Variants in FNBP1 observed in about 807,000 individuals in gnomAD.
FNBP1 encodes the protein formin binding protein 1.
FNBP1 carries 26 observed loss-of-function variants against 90.6 expected under a neutral mutation model. That is an observed-to-expected ratio of 0.29 (90% CI 0.21 to 0.40). The LOEUF (loss-of-function observed/expected upper bound fraction) is 0.40, where lower values mean the gene tolerates loss of function less well. FNBP1 is among the 10% of genes least tolerant of loss of function. FNBP1 has a pLI of 1.00. For missense variants in FNBP1, 635 were observed against 768.0 expected (o/e 0.83, Z 2.05); for synonymous variants, 260 against 265.2 (o/e 0.98, Z 0.19).
chr9:129,899,747 A>AGGAAGGGAAGGAAGGGAAGGAAG (rs2036509667), intron 15 of FNBP1, among the ~76,000 whole-genome samples: 1 of 137,026 alleles, frequency 7.3e-6, no homozygotes, highest in East Asian at 2.6e-4. Context: ...GAAGGAAGGA[A>AGGAAGGGAAGGAAGGGAAGGAAG]GGAAGGGAAG....
chr9:130,024,251 C>A (rs2058127504), intron 1 of FNBP1, among the ~76,000 whole-genome samples: 3 of 151,580 alleles, frequency 2.0e-5, no homozygotes, highest in Admixed American at 2.0e-4. Context: ...CTCTACCCCC[C>A]CCAAAAAAAC....
At chr9:129,927,484 T>G in intron 7 of FNBP1, 143 bp from the exon 8 acceptor site, 1 of 684,192 alleles carries the variant, frequency 1.5e-6, no homozygotes, top group Non-Finnish European at 2.5e-6. Context: ...ACACGGAGCC[T>G]CCATATTACC....
chr9:129,889,628 C>A lies in FNBP1; in HGVS notation c.*911G>T. The stretch of plus-strand genomic sequence containing the variant: ...AGTGCTACCCTTTTCAGATGCTAAT[C>A]CTGGGGCTCCTGGAAAGGAGAGGAT... On this transcript the variant is annotated 3_prime_UTR_variant, in exon 17 of 17. Coordinates refer to ENST00000446176, the MANE Select transcript of FNBP1 (RefSeq NM_015033.3). 4.5e-6 allele frequency: 1 copy of A among 224,550 alleles called. No individual in the cohort carries two copies. Among genetic ancestry groups the A allele is most frequent in the East Asian group, 6.4e-5 (1 of 15,728 alleles). 13.9% of individuals were successfully genotyped at this position (224,550 alleles called of 1,614,324 possible). A position where few individuals can be genotyped will look rare whatever the true frequency, so the allele number is the denominator to read the frequency against.
chr9:129,940,390 T>G (rs1381725101), intron 6 of FNBP1, among the ~76,000 whole-genome samples: 1 of 152,106 alleles, frequency 6.6e-6, no homozygotes, highest in Non-Finnish European at 1.5e-5. Context: ...ATTGAAATTT[T>G]AAAATTCAAT....
chr9:130,024,607 C>A (rs918990502), intron 1 of FNBP1, among the ~76,000 whole-genome samples: 1 of 152,190 alleles, frequency 6.6e-6, no homozygotes, highest in African/African-American at 2.4e-5. Context: ...CCAACTACTT[C>A]CAACTTCTCT....
At chr9:129,914,755 G>GTGTATATGTATA (rs71499203) in intron 11 of FNBP1, among the ~76,000 whole-genome samples, 1 of 98,434 alleles carries the variant, frequency 1.0e-5, no homozygotes, top group South Asian at 3.2e-4. Context: ...ACATACATAT[G>GTGTATATGTATA]TCTATATATA....
Position 130,029,138 on chromosome 9 carries a change from T to C in FNBP1, c.24+13814A>G, listed in dbSNP as rs79527131. Among the ~76,000 whole-genome samples the C allele has an allele frequency of 9.7e-3, 1,475 of 152,304 alleles. 63 individuals carry two copies. The highest frequency in any genetic ancestry group is 0.077 in the Admixed American group (1,172 of 15,278). On this transcript the variant is annotated intron_variant, in intron 1 of 16. Coordinates refer to ENST00000446176, the MANE Select transcript of FNBP1 (RefSeq NM_015033.3). ...AACAATGCTTGGCACATAAGTAGTT[T>C]AAAATATTGTTCTTTCTCTTTTCTT...
chr9:130,037,545 C>G (rs1243363639), intron 1 of FNBP1, among the ~76,000 whole-genome samples: 1 of 152,114 alleles, frequency 6.6e-6, no homozygotes, highest in Non-Finnish European at 1.5e-5. Flanking sequence ...ATTCAACACA[C>G]TATAAAGTGT....
intron 6 of FNBP1, among the ~76,000 whole-genome samples, chr9:129,942,388 G>A (rs542151627): frequency 6.6e-6 from 1 of 152,222 alleles, no homozygotes; most frequent in African/African-American, 2.4e-5. Context: ...TCTGACTTGG[G>A]CCTCCTAGGC....
chr9:129,955,167 A>G (rs2046736167), intron 6 of FNBP1, among the ~76,000 whole-genome samples: 1 of 152,116 alleles, frequency 6.6e-6, no homozygotes, highest in African/African-American at 2.4e-5. Context: ...AAATGCAACT[A>G]TCATTACTTG....
intron 8 of FNBP1, among the ~76,000 whole-genome samples, chr9:129,926,711 A>AC (rs1214309650): frequency 6.7e-6 from 1 of 148,896 alleles, no homozygotes; most frequent in Non-Finnish European, 1.5e-5. Context: ...ATATGGTGAA[A>AC]CCCCGTCTCT....
intron 10 of FNBP1, among the ~76,000 whole-genome samples, chr9:129,916,638 G>C (rs940371102): frequency 2.0e-5 from 3 of 149,936 alleles, no homozygotes; most frequent in Non-Finnish European, 4.5e-5. Flanking sequence ...AAAAAAAAAA[G>C]AAAAAATATA....
chr9:130,015,432 C>A (rs1387781282), intron 1 of FNBP1, among the ~76,000 whole-genome samples: 2 of 152,052 alleles, frequency 1.3e-5, no homozygotes, highest in African/African-American at 2.4e-5. Flanking sequence ...ATTTAACAAT[C>A]CATTATCAAT....
chr9:129,933,570 A>G (rs916587177), intron 6 of FNBP1: 2 of 152,220 alleles, frequency 1.3e-5, no homozygotes, highest in Non-Finnish European at 1.5e-5. Flanking sequence ...GACGCTGAAT[A>G]AGGACCAACA....
intron 1 of FNBP1, among the ~76,000 whole-genome samples, chr9:130,022,569 G>A (rs781257138): frequency 3.2e-4 from 48 of 152,220 alleles, no homozygotes; most frequent in Non-Finnish European, 5.4e-4. Context: ...ATAGTTACAA[G>A]TAGAAAATGA....
At chr9:129,989,609 C>A (rs965196538) in intron 2 of FNBP1, among the ~76,000 whole-genome samples, 1 of 152,088 alleles carries the variant, frequency 6.6e-6, no homozygotes, top group African/African-American at 2.4e-5. Flanking sequence ...GGAGACAATG[C>A]GCAGTAAATA....
At chr9:129,974,070 G>A (rs1218225862) in intron 4 of FNBP1, among the ~76,000 whole-genome samples, 1 of 151,980 alleles carries the variant, frequency 6.6e-6, no homozygotes, top group Non-Finnish European at 1.5e-5. Context: ...TGATCTGCCC[G>A]CCTCAGCCTC....
At chr9:129,935,882 T>TA (rs2043366517) in intron 6 of FNBP1, among the ~76,000 whole-genome samples, 1 of 152,168 alleles carries the variant, frequency 6.6e-6, no homozygotes. Flanking sequence ...ATCGAATGAA[T>TA]AAATAAAGAG....
intron 6 of FNBP1, among the ~76,000 whole-genome samples, chr9:129,953,627 C>T (rs2046493756): frequency 6.6e-6 from 1 of 151,942 alleles, no homozygotes; most frequent in Admixed American, 6.6e-5. Flanking sequence ...GGACAAATAT[C>T]TGGAAATGGA....
Sources: allele counts gnomAD v4.1 joint callset (sites outside exome capture counted in the v4.1 genomes callset), GRCh38; gene constraint gnomAD v4.1.1; transcripts MANE v1.5; gene names NCBI Gene and HGNC (gene_info 2026-07-23, HGNC 2026-07-21).